The following SH3RF1 variants were observed in gnomAD, a reference collection of about 807,000 sequenced individuals.
SH3RF1 encodes E3 ubiquitin-protein ligase SH3RF1.
A neutral mutation model predicts 74.0 loss-of-function variants in SH3RF1; 32 were observed. That is an observed-to-expected ratio of 0.43 (90% CI 0.33 to 0.58). The LOEUF (loss-of-function observed/expected upper bound fraction) is 0.58. Among genes scored for constraint, SH3RF1 ranks in the 20% least tolerant of loss-of-function variants. SH3RF1 has a pLI of 0.05. For synonymous variants in SH3RF1, 396 were observed against 439.6 expected, an observed-to-expected ratio of 0.90 and a Z score of 1.24; for missense variants, 954 against 1,130.9, an observed-to-expected ratio of 0.84 and a Z score of 2.24.
intron 11 of SH3RF1, among the ~76,000 whole-genome samples, chr4:169,103,086 A>ATTTTTTTTTTTTTTTTTTT (rs60740517): frequency 2.3e-5 from 2 of 87,072 alleles, no homozygotes; most frequent in Non-Finnish European, 4.3e-5. Flanking sequence ...GCGCCTGGCT[A>ATTTTTTTTTTTTTTTTTTT]TTTTTTTTTT....
intron 2 of SH3RF1, among the ~76,000 whole-genome samples, chr4:169,260,182 G>C (rs759055766): frequency 9.2e-5 from 14 of 152,186 alleles, no homozygotes; most frequent in Non-Finnish European, 1.8e-4. Flanking sequence ...TCAGGGGCTT[G>C]AACTGACATA....
chr4:169,250,036 G>A (rs142605358), intron 2 of SH3RF1, among the ~76,000 whole-genome samples: 4 of 152,318 alleles, frequency 2.6e-5, no homozygotes, highest in African/African-American at 9.6e-5. Flanking sequence ...TCACGACACA[G>A]CCAAGATTAA....
At chr4:169,200,564 CAT>C (rs1734891844) in intron 2 of SH3RF1, among the ~76,000 whole-genome samples, 1 of 152,044 alleles carries the variant, frequency 6.6e-6, no homozygotes, top group African/African-American at 2.4e-5. Flanking sequence ...GAATCAGAAA[CAT>C]AATGTGAGGA....
Position 169,107,153 on chromosome 4 carries a change from T to C in SH3RF1, c.2192A>G (p.Lys731Arg), listed in dbSNP as rs187982946. The change falls in exon 11 of 12, where the codon AAG becomes AGG. Residue 731 changes from lysine (K) to arginine (R), a missense_variant. By Grantham distance (26) the Lys-to-Arg change is conservative (BLOSUM62 2). Around this residue, in one of 3 missense-constraint regions of SH3RF1, gnomAD observed 854 missense variants for 962.5 expected, o/e 0.89. Transcript: ENST00000284637. ...CGATGCTGGAGGAGACACGCGGGGC[T>C]TCCGTTTAGTGGAGGCGCCAGAAAG... ...KLLSGASTKR[K>R]PRVSPPASPT... The C allele has an allele frequency of 8.5e-5, 135 of 1,589,642 alleles. No homozygotes were observed. The East Asian group carries it at 2.9e-3, about 34-fold the overall frequency.
At chr4:169,205,206 T>C (rs1237204293) in intron 2 of SH3RF1, among the ~76,000 whole-genome samples, 1 of 152,236 alleles carries the variant, frequency 6.6e-6, no homozygotes, top group Non-Finnish European at 1.5e-5. Context: ...ATAGTATTTC[T>C]TTGTTGGCAA....
chr4:169,228,388 G>T (rs1380939415), intron 2 of SH3RF1, among the ~76,000 whole-genome samples: 2 of 151,708 alleles, frequency 1.3e-5, no homozygotes, highest in Non-Finnish European at 2.9e-5. Context: ...GCAGCGCTGT[G>T]TTTTTTTTCT....
intron 2 of SH3RF1, among the ~76,000 whole-genome samples, chr4:169,196,170 AT>A (rs1310670855): frequency 6.6e-6 from 1 of 151,848 alleles, no homozygotes; most frequent in African/African-American, 2.4e-5. Flanking sequence ...GCTTTAATGT[AT>A]TTTTTTCTAT....
At chr4:169,197,603 G>A (rs1162015951) in intron 2 of SH3RF1, among the ~76,000 whole-genome samples, 3 of 113,040 alleles carry the variant, frequency 2.7e-5, no homozygotes, top group Admixed American at 1.2e-4. Flanking sequence ...CAGCCTGGGC[G>A]ACAAAAGCAA....
chr4:169,202,639 G>T (rs1401157487), intron 2 of SH3RF1, among the ~76,000 whole-genome samples: 1 of 152,160 alleles, frequency 6.6e-6, no homozygotes, highest in Non-Finnish European at 1.5e-5. Context: ...AGAAACCAAA[G>T]CATCAGTTAA....
chr4:169,129,248 C>A (rs1190925798), intron 6 of SH3RF1, among the ~76,000 whole-genome samples: 1 of 152,166 alleles, frequency 6.6e-6, no homozygotes, highest in Non-Finnish European at 1.5e-5. Context: ...AAAATATAAG[C>A]CAAAGCTTTG....
intron 10 of SH3RF1, among the ~76,000 whole-genome samples, chr4:169,113,292 G>A (rs1038386110): frequency 6.6e-6 from 1 of 152,020 alleles, no homozygotes; most frequent in African/African-American, 2.4e-5. Flanking sequence ...TGTATTTTTA[G>A]TAGAGACAGG....
At chr4:169,238,622 A>G (rs967889092) in intron 2 of SH3RF1, among the ~76,000 whole-genome samples, 2 of 152,214 alleles carry the variant, frequency 1.3e-5, no homozygotes, top group Non-Finnish European at 1.5e-5. Context: ...TGCTGTTTTG[A>G]CGGAGTGAGT....
intron 2 of SH3RF1, among the ~76,000 whole-genome samples, chr4:169,208,995 A>G (rs1730309878): frequency 6.6e-6 from 1 of 152,196 alleles, no homozygotes; most frequent in South Asian, 2.1e-4. Context: ...CAAAATAAAA[A>G]ATGAGGCAGT....
At chr4:169,142,353 TTTG>T (rs765029321) in intron 4 of SH3RF1, among the ~76,000 whole-genome samples, 5 of 152,248 alleles carry the variant, frequency 3.3e-5, no homozygotes, top group South Asian at 2.1e-4. Context: ...AATGTTCTAA[TTTG>T]TTATTTATCA....
chr4:169,156,595 T>A lies in SH3RF1; in HGVS notation c.478A>T (p.Ile160Phe). The part of the protein sequence containing the change: ...PGDLKFSKGD[I>F]IILRRQVDEN... ...TCCACTTGTCTTCGCAAAATGATGA[T>A]GTCACCTTTGCTGAATTTAAGGTCT... The change falls in exon 3 of 12, where the codon ATC (isoleucine) becomes TTC (phenylalanine). Residue 160 changes from isoleucine (I) to phenylalanine (F), a missense_variant. By Grantham distance (21) the Ile-to-Phe change is conservative. Transcript: ENST00000284637. The A allele has an allele frequency of 6.2e-7, 1 of 1,614,070 alleles. No individual in the cohort carries two copies. The highest frequency in any genetic ancestry group is 1.1e-5 in the South Asian group (1 of 91,082).
At chr4:169,211,198 C>T (rs911068532) in intron 2 of SH3RF1, among the ~76,000 whole-genome samples, 5 of 152,052 alleles carry the variant, frequency 3.3e-5, no homozygotes, top group Admixed American at 6.5e-5. Flanking sequence ...TAGCCGGGCA[C>T]GGTGTTGAGC....
At chr4:169,249,228 AAAAAAAG>A (rs1731058933) in intron 2 of SH3RF1, among the ~76,000 whole-genome samples, 1 of 151,964 alleles carries the variant, frequency 6.6e-6, no homozygotes, top group Non-Finnish European at 1.5e-5. Context: ...ACTCCGTCTC[AAAAAAAG>A]AAAAAAGAAA....
At chr4:169,100,400 G>A (rs1733000193) in intron 11 of SH3RF1, among the ~76,000 whole-genome samples, 1 of 151,948 alleles carries the variant, frequency 6.6e-6, no homozygotes, top group South Asian at 2.1e-4. Context: ...AGAGTGCAAT[G>A]GCACGATCTC....
intron 2 of SH3RF1, among the ~76,000 whole-genome samples, chr4:169,191,296 T>C (rs1734702967): frequency 2.6e-5 from 2 of 76,422 alleles, no homozygotes; most frequent in African/African-American, 7.5e-5. Flanking sequence ...TTACAATAGC[T>C]GCAAAAAAAA....
Sources: allele counts gnomAD v4.1 joint callset (sites outside exome capture counted in the v4.1 genomes callset), GRCh38; gene constraint gnomAD v4.1.1; regional missense constraint gnomAD v4.1.1; transcripts MANE v1.5; gene names NCBI Gene and HGNC (gene_info 2026-07-23, HGNC 2026-07-21).